The following PCMTD1 variants were observed in gnomAD, a reference collection of about 807,000 sequenced individuals.
PCMTD1 encodes the protein protein-L-isoaspartate O-methyltransferase domain-containing protein 1.
In PCMTD1, 12 loss-of-function variants were observed where a neutral mutation model predicts 37.6. That is an observed-to-expected ratio of 0.32 (90% CI 0.20 to 0.52). PCMTD1 has a LOEUF of 0.52. PCMTD1 is among the 20% of genes least tolerant of loss of function. The pLI, the probability that PCMTD1 is intolerant of heterozygous loss-of-function variation, is 0.97. For missense variants in PCMTD1, 235 were observed against 421.3 expected (o/e 0.56, Z 3.87); for synonymous variants, 117 against 135.8 (o/e 0.86, Z 0.96).
At chr8:51,833,437 C>A in intron 4 of PCMTD1, 81 bp downstream of exon 4, 7 of 1,156,664 alleles carry the variant, frequency 6.1e-6, no homozygotes, top group South Asian at 3.1e-5. Context: ...TACAATATAC[C>A]TTTCACTGAA....
chr8:51,828,624 G>A (rs531346633), intron 5 of PCMTD1, among the ~76,000 whole-genome samples: 2 of 152,316 alleles, frequency 1.3e-5, no homozygotes, highest in South Asian at 4.1e-4. Context: ...GGGACCATCT[G>A]CTGTGTTGCC....
intron 1 of PCMTD1, among the ~76,000 whole-genome samples, chr8:51,863,557 T>C (rs2038505586): frequency 6.6e-6 from 1 of 152,162 alleles, no homozygotes; most frequent in Admixed American, 6.5e-5. Context: ...TCAAAGTGGG[T>C]GGGTGGATCA....
chr8:51,885,381 G>C (rs1334943120), intron 1 of PCMTD1, among the ~76,000 whole-genome samples: 1 of 152,196 alleles, frequency 6.6e-6, no homozygotes, highest in Admixed American at 6.5e-5. Flanking sequence ...CCCTGACTAA[G>C]AGTACTGAGG....
chr8:51,827,429 A>T, intron 5 of PCMTD1: 1 of 504,412 alleles, frequency 2.0e-6, no homozygotes. Flanking sequence ...AGCTGTTCTG[A>T]GTAGTGTAGT....
At chr8:51,858,968 G>A (rs1307896585) in intron 2 of PCMTD1, among the ~76,000 whole-genome samples, 1 of 152,182 alleles carries the variant, frequency 6.6e-6, no homozygotes, top group Admixed American at 6.5e-5. Context: ...TCTGGCCACA[G>A]ACATCTAATC....
rs757125455 is a variant in PCMTD1, at chr8:51,833,562, A to G, written c.538T>C (p.Leu180=). The G allele has an allele frequency of 2.5e-6, 4 of 1,612,852 alleles. No homozygotes were observed. Among genetic ancestry groups the G allele is most frequent in the Admixed American group, 1.7e-5 (1 of 59,920 alleles). ...QKDHENYMKI[L]LKVGGILVMP... Reference sequence around the variant, plus strand: ...ACTAATATGCCTCCAACTTTTAGTAATATTTTCATGTAGTTTTCATGGTCT... The same window carrying G: ...ACTAATATGCCTCCAACTTTTAGTAGTATTTTCATGTAGTTTTCATGGTCT... Residue 180 remains leucine (L), a synonymous_variant, in exon 4 of 6, where the codon TTA becomes CTA. Transcript: ENST00000522514.
chr8:51,875,201 T>G lies in PCMTD1; in HGVS notation c.-95-13955A>C, dbSNP rs545114860. ...TAATATGACAGAAACTTATGACAGC[T>G]TGTAGAACATTTTAAGGAAAAAAAT... On this transcript the variant is annotated intron_variant, in intron 1 of 5. Transcript: ENST00000522514. Among the ~76,000 whole-genome samples, 3 of 152,310 alleles carry G rather than the reference T, an allele frequency of 2.0e-5. No individual in the cohort carries two copies. The East Asian group carries it at 5.8e-4, about 29-fold the overall frequency.
intron 3 of PCMTD1, 165 bp downstream of exon 3, chr8:51,845,496 A>G: frequency 2.0e-6 from 1 of 507,480 alleles, no homozygotes; most frequent in Non-Finnish European, 3.5e-6. Flanking sequence ...ACATATAGTA[A>G]AAGTTATACC....
chr8:51,871,490 T>C (rs1213495436), intron 1 of PCMTD1, among the ~76,000 whole-genome samples: 4 of 152,204 alleles, frequency 2.6e-5, no homozygotes, highest in African/African-American at 9.6e-5. Context: ...CAAAACTCTT[T>C]GGTTTAATTC....
rs146091882 is a variant in PCMTD1, at chr8:51,829,258, G to A, written c.706+2186C>T. 4.2e-3 allele frequency among the ~76,000 whole-genome samples: 634 copies of A among 152,186 alleles called. 1 individual carries two copies. The highest frequency in any genetic ancestry group is 7.1e-3 in the Non-Finnish European group (486 of 67,998). ...AAATGCTTACAAAGCACTCTCCCAA[G>A]GTCAAGCTGAAGAAACATTTATGCC... On this transcript the variant is annotated intron_variant, in intron 5 of 5. Coordinates refer to ENST00000522514, the MANE Select transcript of PCMTD1 (RefSeq NM_052937.4).
intron 3 of PCMTD1, among the ~76,000 whole-genome samples, chr8:51,842,125 T>A (rs1365960931): frequency 3.3e-5 from 5 of 152,150 alleles, no homozygotes; most frequent in Non-Finnish European, 7.3e-5. Context: ...ATACCATATG[T>A]ATCAACGGAA....
chr8:51,888,464 C>T (rs907255898), intron 1 of PCMTD1, among the ~76,000 whole-genome samples: 1 of 152,008 alleles, frequency 6.6e-6, no homozygotes, highest in Non-Finnish European at 1.5e-5. Flanking sequence ...TTTCGTAATG[C>T]TCCCACAGTA....
intron 1 of PCMTD1, among the ~76,000 whole-genome samples, chr8:51,893,444 G>A (rs2038961895): frequency 6.6e-6 from 1 of 152,144 alleles, no homozygotes; most frequent in Admixed American, 6.5e-5. Flanking sequence ...TACAGCTGGA[G>A]CTTCCTGATA....
At chr8:51,888,750 A>G (rs2038897569) in intron 1 of PCMTD1, among the ~76,000 whole-genome samples, 1 of 152,228 alleles carries the variant, frequency 6.6e-6, no homozygotes, top group South Asian at 2.1e-4. Context: ...TTTAAGTTGC[A>G]AAGATTAAAA....
At chr8:51,864,272 T>C (rs556232972) in intron 1 of PCMTD1, among the ~76,000 whole-genome samples, 27 of 152,254 alleles carry the variant, frequency 1.8e-4, no homozygotes, top group East Asian at 7.7e-4. Flanking sequence ...CAAATACTAA[T>C]AGATCTGAAG....
At chr8:51,850,351 G>T (rs544561939) in intron 2 of PCMTD1, among the ~76,000 whole-genome samples, 3 of 152,294 alleles carry the variant, frequency 2.0e-5, no homozygotes, top group African/African-American at 4.8e-5. Context: ...TACATAAGGG[G>T]TTCTCAACCC....
Position 51,898,919 on chromosome 8 carries a change from G to A in PCMTD1, c.-96+11C>T, listed in dbSNP as rs949737694. The stretch of plus-strand genomic sequence containing the variant: ...CCCACGACCCCGAGCCCCCACTGGC[G>A]GCGGCGTTACCTGTGGCGCGGGCAG... On this transcript the variant is annotated intron_variant, in intron 1 of 5. Coordinates refer to ENST00000522514, the MANE Select transcript of PCMTD1 (RefSeq NM_052937.4). 7.5e-7 allele frequency: 1 copy of A among 1,327,012 alleles called. No homozygotes were observed. The highest frequency in any genetic ancestry group is 9.6e-7 in the Non-Finnish European group (1 of 1,040,994). The allele number at this position is 1,327,012 out of a possible 1,614,324, so 82.2% of individuals were successfully genotyped here. A position where few individuals can be genotyped will look rare whatever the true frequency, so the allele number is the denominator to read the frequency against.
intron 1 of PCMTD1, among the ~76,000 whole-genome samples, chr8:51,893,480 A>G (rs1029739472): frequency 1.3e-5 from 2 of 152,204 alleles, no homozygotes; most frequent in Admixed American, 6.5e-5. Flanking sequence ...AAACAATACT[A>G]AAGTATAGAC....
rs185119263 is a variant in PCMTD1 at position 51,886,237 on chromosome 8, T to C, written c.-96+12693A>G. ...ACTTATTCAAAATCATCATCCTCTT[T>C]AGCTGAAATTTTCCAGTGCATTCAG... On this transcript the variant is annotated intron_variant, in intron 1 of 5. Transcript: ENST00000522514. 6.0e-4 allele frequency among the ~76,000 whole-genome samples: 91 copies of C among 152,356 alleles called. 1 individual carries two copies. Among genetic ancestry groups the C allele is most frequent in the African/African-American group, 2.1e-3 (87 of 41,598 alleles).
Sources: allele counts gnomAD v4.1 joint callset (sites outside exome capture counted in the v4.1 genomes callset), GRCh38; gene constraint gnomAD v4.1.1; transcripts MANE v1.5; gene names NCBI Gene and HGNC (gene_info 2026-07-23, HGNC 2026-07-21).